PLIN4: variants seen among roughly 807,000 people sequenced by gnomAD.
PLIN4 encodes the protein perilipin 4, also known as perilipin-4.
A neutral mutation model predicts 52.4 loss-of-function variants in PLIN4; 57 were observed. That is an observed-to-expected ratio of 1.09 (90% confidence interval 0.88 to 1.36). The LOEUF is 1.36. PLIN4 is among the 40% of genes most tolerant of loss of function. PLIN4 has a pLI of 0.00. For synonymous variants in PLIN4, 826 were observed against 785.4 expected (o/e 1.05, Z -0.86); for missense variants, 1,757 against 1,770.3 (o/e 0.99, Z 0.13).
Position 4,513,276 on chromosome 19 carries a change from C to T in PLIN4, c.684G>A (p.Lys228=), listed in dbSNP as rs758938198. ...GTVQTGVETS[K]AVLTGTKDAV... ...CATCTTTGGTGCCGGTCAGCACAGC[C>T]TTGGAGGTTTCCACGCCAGTCTGGA... The change falls in exon 5 of 8, where the codon AAG becomes AAA. Residue 228 remains lysine, a synonymous_variant. Transcript: ENST00000301286. 6.2e-7 allele frequency: 1 copy of T among 1,613,812 alleles called. No individual in the cohort carries two copies. The highest frequency in any genetic ancestry group is 8.5e-7 in the Non-Finnish European group (1 of 1,179,878).
At chr19:4,505,038 A>C (rs909348177) in intron 6 of PLIN4, 91 bp from the exon 7 acceptor site, 2 of 1,230,208 alleles carry the variant, frequency 1.6e-6, no homozygotes, top group African/African-American at 1.5e-5. Flanking sequence ...ACCTGGGCAC[A>C]TTCACAGTCC....
In PLIN4 at chr19:4,504,697, C is replaced by T. The variant is rs778167684; in HGVS notation, c.3878G>A (p.Gly1293Asp). 1.6e-5 allele frequency: 26 copies of T among 1,600,474 alleles called. No individual in the cohort carries two copies. Among genetic ancestry groups the T allele is most frequent in the Non-Finnish European group, 1.2e-5 (14 of 1,177,674 alleles). ...TGGCTGCTGGAGCTCGGCGGGCAGG[C>T]CCTGGAGGCTGGAGACCAGGCCACT... The part of the protein sequence containing the change: ...AYSGLVSSLQ[G>D]LPAELQQPVG... Residue 1293 changes from glycine to aspartate, a missense_variant, in exon 8 of 8, where the codon GGC becomes GAC. By Grantham distance (94) the Gly-to-Asp change is moderately conservative. This residue lies in a region of PLIN4 where 712 missense variants were observed against 637.1 expected (regional missense o/e 1.12). Transcript: ENST00000301286.
intron 4 of PLIN4, among the ~76,000 whole-genome samples, chr19:4,514,895 G>A (rs1242821628): frequency 2.7e-5 from 4 of 148,694 alleles, no homozygotes; most frequent in African/African-American, 7.6e-5. Context: ...AAAAAAACAG[G>A]CCGGGCACGG....
Position 4,512,304 on chromosome 19 carries a change from C to T in PLIN4, c.1656G>A (p.Gly552=), listed in dbSNP as rs1340169142. ...CCACAGACTTGGTGGTGTCCAGGCC[C>T]CCCTGGACGGCCCCTTTGGCCACGT... ...AVNVAKGAVQ[G]GLDTTKSVVI... is the part of the protein sequence containing the mutation. The change falls in exon 5 of 8, where the codon GGG becomes GGA. Residue 552 remains glycine (G), a synonymous_variant. Coordinates refer to ENST00000301286, the MANE Select transcript of PLIN4 (RefSeq NM_001367868.2). The T allele has an allele frequency of 3.8e-6, 6 of 1,589,622 alleles. No individual in the cohort carries two copies. The highest frequency in any genetic ancestry group is 1.5e-5 in the African/African-American group (1 of 67,766).
Position 4,510,555 on chromosome 19 carries a change from C to T in PLIN4, c.3405G>A (p.Gly1135=), listed in dbSNP as rs756454584. Residue 1135 remains glycine, a synonymous_variant, in exon 5 of 8, where the codon GGG becomes GGA. Transcript: ENST00000301286. ...CGGGGCCGTGTGTGGTGGCCAAAAG[C>T]CCCGTGTCCTCCCTGCCTGGGGCGG... The part of the protein sequence containing the change: ...QGAAPGREDT[G]LLATTHGPEE... The T allele has an allele frequency of 2.0e-6, 3 of 1,498,762 alleles. No individual in the cohort carries two copies. Among genetic ancestry groups the T allele is most frequent in the East Asian group, 4.6e-5 (2 of 43,198 alleles). The allele number at this position is 1,498,762 out of a possible 1,614,324, so 92.8% of individuals were successfully genotyped here.
At chr19:4,518,140 C>T in intron 2 of PLIN4, 82 bp downstream of exon 2, 1 of 1,154,034 alleles carries the variant, frequency 8.7e-7, no homozygotes, top group Non-Finnish European at 1.1e-6. Flanking sequence ...GATTCGAGAC[C>T]CCAGGACTGT....
chr19:4,517,588 C>G lies in PLIN4; in HGVS notation c.162G>C (p.Ala54=), dbSNP rs769656528. ...RARPAADPTG[A]PAAEAAQPQA... ...GTGGTTGGGCAGCCTCGGCAGCAGGCGCTCCTGTGGGGTCAGCGGCCGGCC... is the reference window on the plus strand; with the variant it reads ...GTGGTTGGGCAGCCTCGGCAGCAGGGGCTCCTGTGGGGTCAGCGGCCGGCC... Residue 54 remains alanine, a synonymous_variant, in exon 3 of 8, where the codon GCG becomes GCC. Coordinates refer to ENST00000301286, the MANE Select transcript of PLIN4 (RefSeq NM_001367868.2). 6.2e-7 allele frequency: 1 copy of G among 1,610,392 alleles called. No individual in the cohort carries two copies. The highest frequency in any genetic ancestry group is 1.1e-5 in the South Asian group (1 of 90,872).
rs752908093 is a variant in PLIN4, at chr19:4,510,475, A to G, written c.3485T>C (p.Ile1162Thr). Residue 1162 changes from isoleucine (I) to threonine (T), a missense_variant, in exon 5 of 8, where the codon ATC becomes ACC. By Grantham distance (89) the Ile-to-Thr change is moderately conservative. This residue lies in a region of PLIN4 where 712 missense variants were observed against 637.1 expected (regional missense o/e 1.12). Coordinates refer to ENST00000301286, the MANE Select transcript of PLIN4 (RefSeq NM_001367868.2). ...LQNELEGLGDIFHPMNAEEQA... is the reference protein window; with the variant it reads ...LQNELEGLGDTFHPMNAEEQA... ...CTCCTCCGCATTCATGGGGTGGAAG[A>G]TGTCCCCCAGCCCCTCCAACTCATT... is the stretch of plus-strand genomic sequence containing the variant. 36 of 1,436,806 alleles carry G rather than the reference A, an allele frequency of 2.5e-5. No individual in the cohort carries two copies. Among genetic ancestry groups the G allele is most frequent in the Non-Finnish European group, 3.1e-5 (34 of 1,092,426 alleles). 89.0% of individuals were successfully genotyped at this position (1,436,806 alleles called of 1,614,324 possible).
chr19:4,516,837 GA>G (rs1180737939), intron 3 of PLIN4, among the ~76,000 whole-genome samples, 159 bp from the exon 4 acceptor site: 1 of 152,350 alleles, frequency 6.6e-6, no homozygotes, highest in Non-Finnish European at 1.5e-5. Context: ...CTACCAGCCA[GA>G]CCTGGTCACC....
intron 5 of PLIN4, among the ~76,000 whole-genome samples, chr19:4,509,204 G>C (rs540169702): frequency 1.3e-5 from 2 of 150,408 alleles, no homozygotes; most frequent in East Asian, 2.0e-4. Context: ...CCAGCTACTC[G>C]GGAGGCTGAG....
intron 2 of PLIN4, 68 bp downstream of exon 2, chr19:4,518,154 G>T: frequency 8.4e-7 from 1 of 1,194,226 alleles, no homozygotes; most frequent in Non-Finnish European, 1.0e-6. Context: ...GGACTGTGGA[G>T]GTCACCTTCC....
In PLIN4 at chr19:4,512,147, G is replaced by A; in HGVS notation, c.1813C>T (p.Leu605Phe). Residue 605 changes from leucine to phenylalanine, a missense_variant, in exon 5 of 8, where the codon CTC (leucine) becomes TTC (phenylalanine). This residue lies in a region of PLIN4 where 439 missense variants were observed against 406.4 expected (regional missense o/e 1.08). Transcript: ENST00000301286. ...TTGGCGACATTCACTGCCCCCACGAGCCCAGTAGTCACTGTGTCCTTGGTG... is the reference window on the plus strand; with the variant it reads ...TTGGCGACATTCACTGCCCCCACGAACCCAGTAGTCACTGTGTCCTTGGTG... ...TGTKDTVTTG[L>F]VGAVNVAKGT... 6.2e-7 allele frequency: 1 copy of A among 1,604,242 alleles called. No individual in the cohort carries two copies. Among genetic ancestry groups the A allele is most frequent in the South Asian group, 1.1e-5 (1 of 90,674 alleles).
Position 4,518,303 on chromosome 19 carries a change from G to A in PLIN4, c.-17-14C>T. On this transcript the variant is annotated splice_polypyrimidine_tract_variant and intron_variant, in intron 1 of 7. Transcript: ENST00000301286. ...GAACGTGAGAAGCTGGAAGGGGGCA[G>A]AGAAGGTGCGTGAATGGGGGTTCCC... is the stretch of plus-strand genomic sequence containing the variant. The A allele has an allele frequency of 1.6e-6, 2 of 1,232,866 alleles. No homozygotes were observed. The highest frequency in any genetic ancestry group is 2.0e-6 in the Non-Finnish European group (2 of 988,594). 76.4% of individuals were successfully genotyped at this position (1,232,866 alleles called of 1,614,324 possible). A position where few individuals can be genotyped will look rare whatever the true frequency, so the allele number is the denominator to read the frequency against.
rs1355740127 is a variant in PLIN4, at chr19:4,504,771, C to G, written c.3804G>C (p.Gly1268=). 3.1e-6 allele frequency: 5 copies of G among 1,599,570 alleles called. No individual in the cohort carries two copies. In the East Asian group the frequency reaches 1.1e-4, roughly 36 times the overall value. ...GAAGGCCGCAGACCCTGGACAGAAC[C>G]CCGGCATCCCGCTCCTGTGGGAGGA... is the stretch of plus-strand genomic sequence containing the variant. ...DAAVQEERDA[G]VLSRVCGLLR... is the part of the protein sequence containing the mutation. Residue 1268 remains glycine, a synonymous_variant, in exon 8 of 8, where the codon GGG becomes GGC. Transcript: ENST00000301286.
Position 4,510,436 on chromosome 19 carries a change from GT to G in PLIN4, c.3514+9del. On this transcript the variant is annotated intron_variant, in intron 5 of 7. Coordinates refer to ENST00000301286, the MANE Select transcript of PLIN4 (RefSeq NM_001367868.2). ...GCCTCAGGGACCCATGAACCCAGGC[GT>G]CCCCTCACCTTGCTCCTCCGCATTC... is the stretch of plus-strand genomic sequence containing the variant. 1 of 1,394,884 alleles carries G rather than the reference GT, an allele frequency of 7.2e-7. No homozygotes were observed. Among genetic ancestry groups the G allele is most frequent in the East Asian group, 2.6e-5 (1 of 39,182 alleles). 86.4% of individuals were successfully genotyped at this position (1,394,884 alleles called of 1,614,324 possible). A position where few individuals can be genotyped will look rare whatever the true frequency, so the allele number is the denominator to read the frequency against.
intron 2 of PLIN4, among the ~76,000 whole-genome samples, 183 bp downstream of exon 2, chr19:4,518,037 GGT>G (rs1204574598): frequency 6.6e-6 from 1 of 152,172 alleles, no homozygotes; most frequent in Non-Finnish European, 1.5e-5. Flanking sequence ...GGTCTGCGTG[GGT>G]CCCCCGCCTC....
rs1039922314 is a variant in PLIN4 at position 4,516,745 on chromosome 19, T to C, written c.197-67A>G. ...TTAGAACCATCTACCCGGCTGCCCA[T>C]TGCACAATAGCCAGGCACAGCCTAA... On this transcript the variant is annotated intron_variant, in intron 3 of 7. Coordinates refer to ENST00000301286, the MANE Select transcript of PLIN4 (RefSeq NM_001367868.2). 6.4e-6 allele frequency: 9 copies of C among 1,416,226 alleles called. No homozygotes were observed. In the East Asian group the frequency reaches 2.4e-4, roughly 38 times the overall value. 87.7% of individuals were successfully genotyped at this position (1,416,226 alleles called of 1,614,324 possible).
intron 7 of PLIN4, 31 bp downstream of exon 7, chr19:4,504,830 T>TG: frequency 2.5e-6 from 4 of 1,602,206 alleles, no homozygotes; most frequent in Non-Finnish European, 2.6e-6. Context: ...ATGGGCGGGG[T>TG]GGGGGGACCC....
Position 4,511,116 on chromosome 19 carries a change from T to G in PLIN4, c.2844A>C (p.Thr948=), listed in dbSNP as rs750880830. ...AVNVAKGTVQ[T]GVDTAKTVLS... ...GCACCGTCTTGGCTGTGTCCACACCTGTCTGGACGGTCCCTTTGGCCACAT... is the reference window on the plus strand; with the variant it reads ...GCACCGTCTTGGCTGTGTCCACACCGGTCTGGACGGTCCCTTTGGCCACAT... Residue 948 remains threonine, a synonymous_variant, in exon 5 of 8, where the codon ACA becomes ACC. Transcript: ENST00000301286. The G allele has an allele frequency of 2.9e-5, 46 of 1,610,388 alleles. No individual in the cohort carries two copies. In the East Asian group the frequency reaches 5.8e-4, roughly 20 times the overall value.
Sources: allele counts gnomAD v4.1 joint callset (sites outside exome capture counted in the v4.1 genomes callset), GRCh38; gene constraint gnomAD v4.1.1; regional missense constraint gnomAD v4.1.1; transcripts MANE v1.5; gene names NCBI Gene and HGNC (gene_info 2026-07-23, HGNC 2026-07-21).